Variants in SEPTIN2 observed in about 807,000 individuals in gnomAD.
SEPTIN2 encodes septin 2, also known as septin-2.
A neutral mutation model predicts 46.5 loss-of-function variants in SEPTIN2; 34 were observed. The observed-to-expected ratio is 0.73, with a 90% CI of 0.56 to 0.97. SEPTIN2 has a LOEUF of 0.97. Among genes scored for constraint, SEPTIN2 ranks in the 50% least tolerant of loss-of-function variants. SEPTIN2 has a pLI of 0.00. For missense variants in SEPTIN2, 347 were observed against 448.4 expected (o/e 0.77, Z 2.04); for synonymous variants, 175 against 153.4 (o/e 1.14, Z -1.04).
chr2:241,327,306 C>G (rs2078159279), intron 3 of SEPTIN2, among the ~76,000 whole-genome samples: 1 of 151,426 alleles, frequency 6.6e-6, no homozygotes, highest in African/African-American at 2.4e-5. Context: ...AGTGGAACTT[C>G]TAAAGATTAA....
At chr2:241,346,963 AC>A (rs2150184819) in intron 10 of SEPTIN2, among the ~76,000 whole-genome samples, 1 of 152,134 alleles carries the variant, frequency 6.6e-6, no homozygotes, top group African/African-American at 2.4e-5. Context: ...AGCCATCCTC[AC>A]TCACCTTTTC....
intron 7 of SEPTIN2, among the ~76,000 whole-genome samples, chr2:241,338,696 A>ATTGTAT (rs2080522639): frequency 8.8e-6 from 1 of 113,870 alleles, no homozygotes; most frequent in Admixed American, 1.3e-4. Context: ...TGTAATATAT[A>ATTGTAT]TTATATTTAT....
At chr2:241,319,944 C>T (rs549953104) in intron 1 of SEPTIN2, among the ~76,000 whole-genome samples, 7 of 152,290 alleles carry the variant, frequency 4.6e-5, no homozygotes, top group African/African-American at 1.4e-4. Context: ...TTTCATATGC[C>T]TCATCAGCAT....
intron 3 of SEPTIN2, among the ~76,000 whole-genome samples, chr2:241,327,663 T>G (rs190245040): frequency 6.6e-6 from 1 of 151,816 alleles, no homozygotes; most frequent in African/African-American, 2.4e-5. Context: ...CAGAAACTAC[T>G]GATGAGACAA....
intron 7 of SEPTIN2, among the ~76,000 whole-genome samples, chr2:241,338,903 T>A (rs1575315992): frequency 1.3e-5 from 1 of 75,908 alleles, no homozygotes; most frequent in Admixed American, 2.2e-4. Flanking sequence ...TTATATATAT[T>A]ATATATAATA....
At chr2:241,320,369 G>A in intron 1 of SEPTIN2, 1 of 455,458 alleles carries the variant, frequency 2.2e-6, no homozygotes, top group South Asian at 1.6e-5. Flanking sequence ...AATTTACAGT[G>A]CCCATTTTTT....
At chr2:241,317,551 T>G (rs2076540012) in intron 1 of SEPTIN2, 6 of 984,604 alleles carry the variant, frequency 6.1e-6, no homozygotes, top group Non-Finnish European at 7.2e-6. Context: ...TTTTTTTTTT[T>G]TGTCTGGAGG....
At chr2:241,348,766 A>G (rs2060509585) in intron 11 of SEPTIN2, among the ~76,000 whole-genome samples, 2 of 152,202 alleles carry the variant, frequency 1.3e-5, no homozygotes, top group Non-Finnish European at 2.9e-5. Flanking sequence ...TGTCACTGAT[A>G]TTTGTAAGTA....
intron 1 of SEPTIN2, among the ~76,000 whole-genome samples, chr2:241,321,584 C>G (rs1175364026): frequency 6.8e-6 from 1 of 148,086 alleles, no homozygotes; most frequent in East Asian, 2.0e-4. Flanking sequence ...TTTTTTTTTT[C>G]CCTTGGTTTT....
intron 3 of SEPTIN2, among the ~76,000 whole-genome samples, chr2:241,331,071 C>T (rs1310568234): frequency 6.6e-6 from 1 of 152,088 alleles, no homozygotes; most frequent in Non-Finnish European, 1.5e-5. Context: ...TTCAGCTATG[C>T]TGGAGGCTGA....
intron 1 of SEPTIN2, among the ~76,000 whole-genome samples, chr2:241,320,743 C>A (rs1478663862): frequency 6.6e-6 from 1 of 152,076 alleles, no homozygotes; most frequent in Admixed American, 6.5e-5. Context: ...GAGCTGAGAT[C>A]GCGCCAGTGC....
chr2:241,326,002 A>G lies in SEPTIN2; in HGVS notation c.19A>G (p.Thr7Ala), dbSNP rs1389961666. The G allele has an allele frequency of 2.5e-6, 4 of 1,612,666 alleles. No individual in the cohort carries two copies. The highest frequency in any genetic ancestry group is 3.4e-6 in the Non-Finnish European group (4 of 1,179,498). MSKQQP[T>A]QFINPETPGY... ...TTTTAATCTTATTTAGCAACAGCCA[A>G]CTCAGTTTATAAATCCAGAAACACC... Residue 7 changes from threonine (T) to alanine (A), a missense_variant, in exon 3 of 13, where the codon ACT becomes GCT. Physicochemically the swap from Thr to Ala is moderately conservative, Grantham distance 58 (BLOSUM62 0). Coordinates refer to ENST00000391971, the MANE Select transcript of SEPTIN2 (RefSeq NM_004404.5).
At chr2:241,316,885 TG>T (rs1353377788) in intron 1 of SEPTIN2, 1 of 207,220 alleles carries the variant, frequency 4.8e-6, no homozygotes, top group Non-Finnish European at 9.6e-6. Context: ...TCTGTGCTTG[TG>T]GGATTCCGCC....
intron 11 of SEPTIN2, 114 bp from the exon 12 acceptor site, chr2:241,349,959 T>C: frequency 4.4e-6 from 4 of 907,020 alleles, no homozygotes; most frequent in Non-Finnish European, 7.0e-6. Flanking sequence ...TAATAACTCC[T>C]GTCATATTTT....
Position 241,343,037 on chromosome 2 carries a change from C to G in SEPTIN2, c.640C>G (p.Pro214Ala). ...EEHNIKIYHL[P>A]DAESDEDEDF... is the part of the protein sequence containing the mutation. ...ACATAACATCAAAATCTATCACTTACCTGATGCAGAATCAGATGAAGATGA... is the reference window on the plus strand; with the variant it reads ...ACATAACATCAAAATCTATCACTTAGCTGATGCAGAATCAGATGAAGATGA... The change falls in exon 8 of 13, where the codon CCT (proline) becomes GCT (alanine). Residue 214 changes from proline to alanine, a missense_variant. By Grantham distance (27) the Pro-to-Ala change is conservative. Transcript: ENST00000391971. 1.2e-6 allele frequency: 2 copies of G among 1,610,874 alleles called. No homozygotes were observed. Among genetic ancestry groups the G allele is most frequent in the Non-Finnish European group, 1.7e-6 (2 of 1,177,488 alleles).
At chr2:241,326,862 G>C (rs2078057351) in intron 3 of SEPTIN2, among the ~76,000 whole-genome samples, 1 of 152,060 alleles carries the variant, frequency 6.6e-6, no homozygotes, top group African/African-American at 2.4e-5. Flanking sequence ...GCCGAGGCAG[G>C]CAGGAGTTGA....
chr2:241,344,790 G>T (rs1239377486), intron 9 of SEPTIN2, among the ~76,000 whole-genome samples: 1 of 152,172 alleles, frequency 6.6e-6, no homozygotes, highest in Non-Finnish European at 1.5e-5. Flanking sequence ...CTGAGGCCGG[G>T]TGCGGTGGCT....
intron 3 of SEPTIN2, among the ~76,000 whole-genome samples, chr2:241,331,141 T>C (rs1400461258): frequency 1.3e-5 from 2 of 152,050 alleles, no homozygotes; most frequent in Non-Finnish European, 2.9e-5. Flanking sequence ...GTCATGCCAC[T>C]GCACTCCAGC....
chr2:241,337,718 G>C lies in SEPTIN2; in HGVS notation c.522G>C (p.Lys174Asn). The change falls in exon 7 of 13, where the codon AAG becomes AAC. Residue 174 changes from lysine (K) to asparagine (N), a missense_variant. By Grantham distance (94) the Lys-to-Asn change is moderately conservative (BLOSUM62 0). Coordinates refer to ENST00000391971, the MANE Select transcript of SEPTIN2 (RefSeq NM_004404.5). The stretch of plus-strand genomic sequence containing the variant: ...CGTTTATGAAGGCAATACACAACAA[G>C]GTGAATATTGTGCCTGTCATTGCAA... ...DVAFMKAIHN[K>N]VNIVPVIAKA... is the part of the protein sequence containing the mutation. The C allele has an allele frequency of 1.2e-6, 2 of 1,614,038 alleles. No individual in the cohort carries two copies. The highest frequency in any genetic ancestry group is 1.7e-6 in the Non-Finnish European group (2 of 1,179,968).
Sources: gnomAD v4.1 joint callset for allele counts (sites outside exome capture counted in the v4.1 genomes callset) on GRCh38, gnomAD v4.1.1 for gene constraint, MANE v1.5 for transcripts, NCBI Gene and HGNC (gene_info 2026-07-23, HGNC 2026-07-21) for gene names.